Variants in QTMAN observed in about 807,000 individuals in gnomAD.
QTMAN encodes the protein tRNA-queuosine alpha-mannosyltransferase.
At chr2:144,284,253 C>T in the QTMAN span, among the ~76,000 whole-genome samples, 4 of 151,570 alleles carry the variant, frequency 2.6e-5, no homozygotes, top group African/African-American at 9.7e-5. Flanking sequence ...GAAATACCTC[C>T]CATGGAAAAA....
At chr2:144,270,510 T>C in the QTMAN span, among the ~76,000 whole-genome samples, 1 of 152,164 alleles carries the variant, frequency 6.6e-6, no homozygotes, top group African/African-American at 2.4e-5. Flanking sequence ...TGCAGGGACA[T>C]GGATGAAGCT....
the QTMAN span, among the ~76,000 whole-genome samples, chr2:144,158,987 A>G: frequency 6.6e-6 from 1 of 152,078 alleles, no homozygotes; most frequent in Admixed American, 6.6e-5. Flanking sequence ...GGCATTTAAA[A>G]TAACAATAAA....
the QTMAN span, among the ~76,000 whole-genome samples, chr2:144,200,030 A>G: frequency 3.9e-5 from 6 of 152,194 alleles, no homozygotes; most frequent in African/African-American, 1.4e-4. Flanking sequence ...ATGTATATAT[A>G]CAATTTAAAA....
At chr2:144,272,198 GA>G in the QTMAN span, among the ~76,000 whole-genome samples, 1 of 151,728 alleles carries the variant, frequency 6.6e-6, no homozygotes. Context: ...ACAATAGGGG[GA>G]AAAAAACAAA....
chr2:143,991,671 C>T, the QTMAN span, among the ~76,000 whole-genome samples: 9 of 132,820 alleles, frequency 6.8e-5, no homozygotes, highest in East Asian at 1.2e-3. Context: ...CCAGCCGCCC[C>T]GTCTGGGAGG....
chr2:144,088,534 T>TA, the QTMAN span, among the ~76,000 whole-genome samples: 2 of 151,784 alleles, frequency 1.3e-5, no homozygotes, highest in Admixed American at 1.3e-4. Context: ...GCAAAAACAA[T>TA]AAAGCTGGTG....
the QTMAN span, among the ~76,000 whole-genome samples, chr2:143,999,746 G>A: frequency 1.3e-5 from 2 of 152,198 alleles, no homozygotes; most frequent in South Asian, 4.1e-4. Context: ...GGCAGATGTG[G>A]GTCCTGAGCA....
the QTMAN span, chr2:143,946,419 CCT>C: frequency 1.3e-5 from 2 of 152,418 alleles, no homozygotes; most frequent in Admixed American, 1.3e-4. Context: ...CTTAAAACCC[CCT>C]GTGCCTGAGA....
the QTMAN span, chr2:143,970,776 C>T: frequency 1.2e-5 from 16 of 1,340,838 alleles, no homozygotes; most frequent in Middle Eastern, 1.8e-4. Context: ...GAAATAAACA[C>T]ACAAAATATA....
At chr2:144,039,278 C>A in the QTMAN span, among the ~76,000 whole-genome samples, 2 of 151,976 alleles carry the variant, frequency 1.3e-5, no homozygotes, top group African/African-American at 4.8e-5. Flanking sequence ...GTGTGTGATG[C>A]GTCTCCCCCT....
At chr2:143,961,493 C>T in the QTMAN span, among the ~76,000 whole-genome samples, 7 of 152,080 alleles carry the variant, frequency 4.6e-5, no homozygotes, top group African/African-American at 1.4e-4. Context: ...CTAGTAATGT[C>T]GATCTTTTCC....
At chr2:143,950,744 A>G in the QTMAN span, among the ~76,000 whole-genome samples, 1 of 151,632 alleles carries the variant, frequency 6.6e-6, no homozygotes, top group Non-Finnish European at 1.5e-5. Flanking sequence ...CATACAAACA[A>G]AACTACTACT....
the QTMAN span, among the ~76,000 whole-genome samples, chr2:144,165,410 A>C: frequency 7.3e-5 from 11 of 150,966 alleles, no homozygotes; most frequent in East Asian, 2.0e-3. Flanking sequence ...TAAATAAATA[A>C]ATAGGCAAGG....
chr2:144,312,590 T>C, the QTMAN span, among the ~76,000 whole-genome samples: 2 of 152,200 alleles, frequency 1.3e-5, no homozygotes, highest in African/African-American at 4.8e-5. Context: ...AACAAGTCTA[T>C]GTTCAAGTGT....
At chr2:144,271,712 C>A in the QTMAN span, among the ~76,000 whole-genome samples, 2 of 152,176 alleles carry the variant, frequency 1.3e-5, no homozygotes, top group Non-Finnish European at 2.9e-5. Flanking sequence ...TGCTCCCCCA[C>A]CACTATGGCT....
At chr2:144,029,370 A>T in the QTMAN span, among the ~76,000 whole-genome samples, 1 of 152,220 alleles carries the variant, frequency 6.6e-6, no homozygotes, top group African/African-American at 2.4e-5. Context: ...TCTGCTCTAA[A>T]TAGCCCCATT....
the QTMAN span, among the ~76,000 whole-genome samples, chr2:144,055,357 A>C: frequency 6.6e-5 from 10 of 151,400 alleles, no homozygotes; most frequent in East Asian, 1.6e-3. Context: ...ACACACACAC[A>C]CACACACACA....
the QTMAN span, chr2:143,957,477 A>G: frequency 7.7e-6 from 4 of 517,332 alleles, no homozygotes; most frequent in Non-Finnish European, 1.3e-5. Flanking sequence ...GTTTGCTTTT[A>G]TAATCAAGGC....
At chr2:144,288,625 C>T in the QTMAN span, among the ~76,000 whole-genome samples, 1 of 152,176 alleles carries the variant, frequency 6.6e-6, no homozygotes, top group Admixed American at 6.5e-5. Context: ...ACAATTCCTA[C>T]TACAGAGAAA....
Sources: allele counts gnomAD v4.1 joint callset (sites outside exome capture counted in the v4.1 genomes callset), GRCh38; gene constraint gnomAD v4.1.1; transcripts MANE v1.5; gene names NCBI Gene and HGNC (gene_info 2026-07-23, HGNC 2026-07-21).